The following COL21A1 variants were observed in gnomAD, a reference collection of about 807,000 sequenced individuals.
The protein encoded by COL21A1 is collagen alpha-1(XXI) chain.
In COL21A1, 149 loss-of-function variants were observed where a neutral mutation model predicts 137.9. That is an observed-to-expected ratio of 1.08 (90% CI 0.95 to 1.24). The LOEUF is 1.24. Ranked by LOEUF, COL21A1 falls within the 50% of genes most tolerant of loss-of-function variation. The pLI, the probability that COL21A1 is intolerant of heterozygous loss-of-function variation, is 0.00. For missense variants in COL21A1, 1,167 were observed against 1,158.4 expected (o/e 1.01, Z -0.11); for synonymous variants, 456 against 391.5 (o/e 1.16, Z -1.95).
intron 17 of COL21A1, among the ~76,000 whole-genome samples, chr6:56,095,293 T>C (rs972935070): frequency 6.6e-6 from 1 of 152,152 alleles, no homozygotes; most frequent in Non-Finnish European, 1.5e-5. Context: ...TTCCTCTGTA[T>C]CCATCCATGC....
At chr6:56,275,000 T>C (rs1763609249) in intron 1 of COL21A1, among the ~76,000 whole-genome samples, 2 of 152,154 alleles carry the variant, frequency 1.3e-5, no homozygotes, top group African/African-American at 2.4e-5. Context: ...AGTATGGTAC[T>C]GGCACAAAAA....
intron 12 of COL21A1, among the ~76,000 whole-genome samples, chr6:56,138,667 G>T (rs1464688069): frequency 6.6e-6 from 1 of 152,114 alleles, no homozygotes; most frequent in Non-Finnish European, 1.5e-5. Flanking sequence ...AAAGATGGAA[G>T]ACTGGTGATC....
intron 1 of COL21A1, among the ~76,000 whole-genome samples, chr6:56,228,139 A>G (rs879311698): frequency 6.6e-6 from 1 of 151,900 alleles, no homozygotes; most frequent in Non-Finnish European, 1.5e-5. Context: ...TTTTGCATTA[A>G]GTGAAGAGGA....
chr6:56,259,314 C>T (rs1169446116), intron 1 of COL21A1, among the ~76,000 whole-genome samples: 1 of 152,160 alleles, frequency 6.6e-6, no homozygotes, highest in Non-Finnish European at 1.5e-5. Context: ...TACTGAGTGC[C>T]TTCCACTCCC....
At chr6:56,279,200 C>A (rs1011830916) in intron 1 of COL21A1, among the ~76,000 whole-genome samples, 1 of 152,104 alleles carries the variant, frequency 6.6e-6, no homozygotes, top group Non-Finnish European at 1.5e-5. Flanking sequence ...GTTCTTGCTG[C>A]ACCTGCCATA....
intron 1 of COL21A1, among the ~76,000 whole-genome samples, chr6:56,355,756 A>G (rs1765813739): frequency 6.6e-6 from 1 of 152,204 alleles, no homozygotes; most frequent in Non-Finnish European, 1.5e-5. Flanking sequence ...AGGATAAACC[A>G]TGAGTTGAGG....
intron 1 of COL21A1, among the ~76,000 whole-genome samples, chr6:56,301,600 C>A (rs963824075): frequency 6.6e-6 from 1 of 152,112 alleles, no homozygotes; most frequent in South Asian, 2.1e-4. Flanking sequence ...ACAGTTTTCT[C>A]AAAGGGAAGA....
intron 10 of COL21A1, among the ~76,000 whole-genome samples, chr6:56,154,543 A>G (rs1775592731): frequency 6.6e-6 from 1 of 152,148 alleles, no homozygotes; most frequent in Non-Finnish European, 1.5e-5. Context: ...TCCATTAAGA[A>G]TAACCCAGAA....
chr6:56,367,725 A>G (rs1442053806), intron 1 of COL21A1, among the ~76,000 whole-genome samples: 1 of 151,962 alleles, frequency 6.6e-6, no homozygotes, highest in East Asian at 1.9e-4. Context: ...GAACTGAGAC[A>G]ATTTTTTGTT....
chr6:56,373,924 C>T (rs1469077282), intron 1 of COL21A1, among the ~76,000 whole-genome samples: 1 of 152,160 alleles, frequency 6.6e-6, no homozygotes, highest in African/African-American at 2.4e-5. Context: ...TTATTTTCTG[C>T]TTAAATCATC....
chr6:56,266,247 A>C (rs1320755389), intron 1 of COL21A1, among the ~76,000 whole-genome samples: 2 of 152,254 alleles, frequency 1.3e-5, no homozygotes, highest in African/African-American at 4.8e-5. Flanking sequence ...GAATGTCATA[A>C]ACATCTAATA....
intron 16 of COL21A1, among the ~76,000 whole-genome samples, chr6:56,112,497 G>A (rs930730211): frequency 4.6e-5 from 7 of 151,874 alleles, no homozygotes; most frequent in African/African-American, 1.2e-4. Flanking sequence ...CTGAATTACC[G>A]ATGCCACCCC....
At chr6:56,183,743 G>A (rs965035601) in intron 1 of COL21A1, among the ~76,000 whole-genome samples, 9 of 152,058 alleles carry the variant, frequency 5.9e-5, no homozygotes, top group African/African-American at 1.9e-4. Context: ...CTAAATATCA[G>A]AAGTAGCAAA....
intron 6 of COL21A1, 62 bp from the exon 7 acceptor site, chr6:56,167,045 A>C (rs1339477102): frequency 1.8e-6 from 2 of 1,122,554 alleles, no homozygotes; most frequent in African/African-American, 3.1e-5. Context: ...TATAAGAGCA[A>C]CTCAGATACA....
At chr6:56,118,635 T>C (rs1772153649) in intron 16 of COL21A1, among the ~76,000 whole-genome samples, 2 of 151,910 alleles carry the variant, frequency 1.3e-5, no homozygotes, top group Admixed American at 1.3e-4. Context: ...AAAACAAAAC[T>C]ACAGGCCAAT....
In COL21A1 at chr6:56,179,595, T is replaced by C; in HGVS notation, c.623A>G (p.Lys208Arg). ...AGGCTTACCTTCACAAAGTTTCTGC[T>C]TCATCACTTCCCTTATTTTGGATAT... ...IAISKIREVM[K>R]QKLCEESVCP... Residue 208 changes from lysine (K) to arginine (R), a missense_variant, in exon 3 of 30, where the codon AAG becomes AGG. Coordinates refer to ENST00000244728, the MANE Select transcript of COL21A1 (RefSeq NM_030820.4). The C allele has an allele frequency of 1.2e-6, 2 of 1,609,048 alleles. No individual in the cohort carries two copies. The highest frequency in any genetic ancestry group is 1.7e-6 in the Non-Finnish European group (2 of 1,176,164).
chr6:56,102,320 T>A (rs1770530287), intron 16 of COL21A1, among the ~76,000 whole-genome samples: 1 of 152,138 alleles, frequency 6.6e-6, no homozygotes, highest in South Asian at 2.1e-4. Context: ...TGTTGACACA[T>A]ATACACACAT....
At chr6:56,320,656 T>C (rs1012608712) in intron 1 of COL21A1, among the ~76,000 whole-genome samples, 6 of 152,072 alleles carry the variant, frequency 3.9e-5, no homozygotes, top group Admixed American at 3.3e-4. Context: ...TAATTTCACA[T>C]TTTCTGCTTC....
intron 1 of COL21A1, among the ~76,000 whole-genome samples, chr6:56,320,886 T>C (rs938535474): frequency 1.3e-5 from 2 of 152,162 alleles, no homozygotes; most frequent in East Asian, 3.8e-4. Context: ...ATGACCAATA[T>C]GTACTCATTA....
Sources: gnomAD v4.1 joint callset for allele counts (sites outside exome capture counted in the v4.1 genomes callset) on GRCh38, gnomAD v4.1.1 for gene constraint, MANE v1.5 for transcripts, NCBI Gene and HGNC (gene_info 2026-07-23, HGNC 2026-07-21) for gene names.